The following RASGRF2 variants were observed in gnomAD, a reference collection of about 807,000 sequenced individuals.
The protein encoded by RASGRF2 is ras-specific guanine nucleotide-releasing factor 2.
In RASGRF2, 76 loss-of-function variants were observed where a neutral mutation model predicts 151.0. The ratio of observed to expected loss-of-function variants is 0.50; its 90% CI spans 0.42 to 0.61. RASGRF2 has a LOEUF of 0.61. RASGRF2 is among the 20% of genes least tolerant of loss of function. The pLI, the probability that RASGRF2 is intolerant of heterozygous loss-of-function variation, is 0.00. For synonymous variants in RASGRF2, 504 were observed against 566.5 expected (o/e 0.89, Z 1.57); for missense variants, 1,148 against 1,564.6 (o/e 0.73, Z 4.49).
At chr5:80,970,732 G>A (rs1032141247) in intron 1 of RASGRF2, among the ~76,000 whole-genome samples, 3 of 152,188 alleles carry the variant, frequency 2.0e-5, no homozygotes, top group East Asian at 3.9e-4. Context: ...TGACCAGCCC[G>A]TGGCTTAACT....
intron 1 of RASGRF2, among the ~76,000 whole-genome samples, chr5:81,026,526 A>G (rs1278085487): frequency 6.6e-6 from 1 of 152,070 alleles, no homozygotes; most frequent in Non-Finnish European, 1.5e-5. Context: ...TGCACTCTCA[A>G]CACTCCCAAT....
Position 81,180,189 on chromosome 5 carries a change from G to A in RASGRF2, c.2701G>A (p.Glu901Lys), listed in dbSNP as rs780471153. 1.9e-6 allele frequency: 3 copies of A among 1,606,734 alleles called. No individual in the cohort carries two copies. The highest frequency in any genetic ancestry group is 2.2e-5 in the East Asian group (1 of 44,826). ...HGSPPGFNNTERTCDKEFIIR... is the reference protein window; with the variant it reads ...HGSPPGFNNTKRTCDKEFIIR... Reference sequence around the variant, plus strand: ...TTTCTCCTAAGGCTTTAACAACACCGAGAGAACATGTGATAAAGAGTTTAT... The same window carrying A: ...TTTCTCCTAAGGCTTTAACAACACCAAGAGAACATGTGATAAAGAGTTTAT... Residue 901 changes from glutamate (E) to lysine (K), a missense_variant, in exon 18 of 27, where the codon GAG (glutamate) becomes AAG (lysine). This residue lies in a region of RASGRF2 where 646 missense variants were observed against 807.4 expected (regional missense o/e 0.80). Transcript: ENST00000265080.
intron 17 of RASGRF2, among the ~76,000 whole-genome samples, chr5:81,166,134 C>T (rs1754500986): frequency 6.6e-6 from 1 of 152,038 alleles, no homozygotes; most frequent in South Asian, 2.1e-4. Context: ...AAAGCACCAG[C>T]GGATTACTGG....
At chr5:81,116,632 A>G (rs992874935) in intron 15 of RASGRF2, among the ~76,000 whole-genome samples, 1 of 152,216 alleles carries the variant, frequency 6.6e-6, no homozygotes, top group African/African-American at 2.4e-5. Flanking sequence ...ACAGACCTCT[A>G]TAACTTTTTC....
chr5:81,037,325 T>C (rs1328851379), intron 1 of RASGRF2, among the ~76,000 whole-genome samples: 1 of 152,206 alleles, frequency 6.6e-6, no homozygotes, highest in Non-Finnish European at 1.5e-5. Context: ...ATTGGTAGTT[T>C]AGTTGAATAT....
chr5:81,143,443 T>C (rs1354220917), intron 17 of RASGRF2, among the ~76,000 whole-genome samples: 1 of 151,604 alleles, frequency 6.6e-6, no homozygotes, highest in Non-Finnish European at 1.5e-5. Flanking sequence ...CCAACACACC[T>C]GGCCTGAAAA....
intron 17 of RASGRF2, among the ~76,000 whole-genome samples, chr5:81,168,971 C>T (rs1426146301): frequency 6.6e-6 from 1 of 152,216 alleles, no homozygotes; most frequent in East Asian, 1.9e-4. Flanking sequence ...TTTGCTGGCT[C>T]TTTGACCAAT....
intron 21 of RASGRF2, among the ~76,000 whole-genome samples, chr5:81,207,709 A>G (rs7732064): frequency 0.55 from 83,464 of 152,154 alleles, 23,948 homozygotes; most frequent in African/African-American, 0.71. Flanking sequence ...AATGATCAGG[A>G]ATGCTGCCCT....
intron 19 of RASGRF2, among the ~76,000 whole-genome samples, chr5:81,203,807 A>G (rs4704706): frequency 0.18 from 27,033 of 152,262 alleles, 2,590 homozygotes; most frequent in East Asian, 0.29. Context: ...ACAATGCCTG[A>G]AAAGTCATTA....
At chr5:81,101,718 CA>C (rs1752703828) in intron 12 of RASGRF2, among the ~76,000 whole-genome samples, 3 of 152,056 alleles carry the variant, frequency 2.0e-5, no homozygotes, top group African/African-American at 7.2e-5. Flanking sequence ...TTATCAAAGA[CA>C]TTTTTATATA....
chr5:80,995,324 C>T (rs112726070), intron 1 of RASGRF2, among the ~76,000 whole-genome samples: 18,684 of 149,602 alleles, frequency 0.12, 1,594 homozygotes, highest in Middle Eastern at 0.24. Flanking sequence ...CAGCTCTAAG[C>T]AACCTCTGAT....
At chr5:81,130,415 G>C (rs1209841365) in intron 17 of RASGRF2, among the ~76,000 whole-genome samples, 1 of 152,192 alleles carries the variant, frequency 6.6e-6, no homozygotes, top group Admixed American at 6.5e-5. Flanking sequence ...GCTAGTGGCG[G>C]TAAGAAAGGG....
At chr5:81,063,106 T>C (rs1030962829) in intron 2 of RASGRF2, among the ~76,000 whole-genome samples, 2 of 152,176 alleles carry the variant, frequency 1.3e-5, no homozygotes, top group East Asian at 3.8e-4. Flanking sequence ...TTTGGAAGCT[T>C]CTATAATTTT....
chr5:81,199,170 G>A (rs559564264), intron 18 of RASGRF2, among the ~76,000 whole-genome samples: 1 of 152,298 alleles, frequency 6.6e-6, no homozygotes, highest in South Asian at 2.1e-4. Context: ...CCCTTTTAAA[G>A]CATTCGCCTC....
chr5:81,103,861 G>A (rs181657581), intron 12 of RASGRF2, among the ~76,000 whole-genome samples: 1 of 152,196 alleles, frequency 6.6e-6, no homozygotes, highest in East Asian at 1.9e-4. Context: ...TGTAATTTAT[G>A]TTTATATAGT....
At chr5:80,980,329 G>A (rs1397708829) in intron 1 of RASGRF2, among the ~76,000 whole-genome samples, 1 of 152,026 alleles carries the variant, frequency 6.6e-6, no homozygotes, top group Admixed American at 6.6e-5. Context: ...GGTGATTTTG[G>A]CCCCAGACAG....
intron 12 of RASGRF2, among the ~76,000 whole-genome samples, chr5:81,103,317 T>C (rs1244022228): frequency 6.6e-6 from 1 of 152,058 alleles, no homozygotes; most frequent in African/African-American, 2.4e-5. Flanking sequence ...ATATTCTATA[T>C]AGCTATAGAT....
At chr5:81,150,571 A>G (rs1754110112) in intron 17 of RASGRF2, among the ~76,000 whole-genome samples, 1 of 152,072 alleles carries the variant, frequency 6.6e-6, no homozygotes, top group Admixed American at 6.5e-5. Flanking sequence ...GCATCCCCCC[A>G]TCATCCATTT....
chr5:81,206,274 T>C (rs1474090121), intron 19 of RASGRF2, among the ~76,000 whole-genome samples: 1 of 152,200 alleles, frequency 6.6e-6, no homozygotes, highest in African/African-American at 2.4e-5. Flanking sequence ...GGGCCAAAAG[T>C]GTCTGAGGAA....
Sources: allele counts gnomAD v4.1 joint callset (sites outside exome capture counted in the v4.1 genomes callset), GRCh38; gene constraint gnomAD v4.1.1; regional missense constraint gnomAD v4.1.1; transcripts MANE v1.5; gene names NCBI Gene and HGNC (gene_info 2026-07-23, HGNC 2026-07-21).